Variants in VRK2 observed in about 807,000 individuals in gnomAD.
VRK2 encodes the protein serine/threonine-protein kinase VRK2.
In VRK2, 60 loss-of-function variants were observed where a neutral mutation model predicts 57.6. The observed-to-expected ratio is 1.04, with a 90% CI of 0.85 to 1.29. VRK2 has a LOEUF of 1.29. Among genes scored for constraint, VRK2 ranks in the 50% most tolerant of loss-of-function variants. The pLI is 0.00. For missense variants in VRK2, 705 were observed against 588.1 expected (o/e 1.20, Z -2.06); for synonymous variants, 231 against 199.2 (o/e 1.16, Z -1.35).
chr2:58,012,198 T>C (rs1308793879), intron 1 of VRK2, among the ~76,000 whole-genome samples: 1 of 152,220 alleles, frequency 6.6e-6, no homozygotes, highest in African/African-American at 2.4e-5. Context: ...TTGTTTAGCA[T>C]ATCATCAAGA....
At chr2:57,974,361 A>C (rs1024552849) in intron 1 of VRK2, among the ~76,000 whole-genome samples, 2 of 151,924 alleles carry the variant, frequency 1.3e-5, no homozygotes, top group African/African-American at 2.4e-5. Context: ...TGGTAATTCT[A>C]AAACAAACTA....
intron 1 of VRK2, among the ~76,000 whole-genome samples, chr2:57,919,062 T>A (rs1279134127): frequency 6.6e-6 from 1 of 152,132 alleles, no homozygotes; most frequent in East Asian, 1.9e-4. Context: ...AAAATACTTG[T>A]CCAATTTAAT....
intron 4 of VRK2, among the ~76,000 whole-genome samples, chr2:58,085,854 A>T (rs1671540993): frequency 6.6e-6 from 1 of 151,694 alleles, no homozygotes; most frequent in African/African-American, 2.4e-5. Context: ...TTTTTTGTAA[A>T]CTAATCAAAA....
intron 1 of VRK2, among the ~76,000 whole-genome samples, chr2:57,959,727 C>G (rs1272038948): frequency 6.6e-6 from 1 of 152,132 alleles, no homozygotes; most frequent in Non-Finnish European, 1.5e-5. Context: ...TCCAGAGGCT[C>G]GGCAGGTCCC....
chr2:58,105,476 C>T (rs1674595715), intron 7 of VRK2, among the ~76,000 whole-genome samples: 1 of 151,778 alleles, frequency 6.6e-6, no homozygotes, highest in Non-Finnish European at 1.5e-5. Context: ...CAGAGAAATG[C>T]AAATTAAAAC....
intron 1 of VRK2, among the ~76,000 whole-genome samples, chr2:57,942,653 A>G (rs1163866906): frequency 6.6e-6 from 1 of 152,088 alleles, no homozygotes; most frequent in African/African-American, 2.4e-5. Context: ...GGTTTTAACT[A>G]CTGTACCTTG....
At chr2:58,032,922 C>G (rs527273676) in intron 2 of VRK2, among the ~76,000 whole-genome samples, 3 of 152,092 alleles carry the variant, frequency 2.0e-5, no homozygotes, top group Non-Finnish European at 4.4e-5. Flanking sequence ...ATCTGCTTCA[C>G]GTAATTTGTT....
chr2:58,128,623 C>T (rs1041230042), intron 8 of VRK2, among the ~76,000 whole-genome samples: 6 of 152,244 alleles, frequency 3.9e-5, no homozygotes, highest in Middle Eastern at 3.4e-3. Flanking sequence ...TGAGCCACCG[C>T]GCCTGGCAAC....
At chr2:57,913,490 A>C (rs887679860) in intron 1 of VRK2, among the ~76,000 whole-genome samples, 25 of 152,248 alleles carry the variant, frequency 1.6e-4, no homozygotes, top group African/African-American at 6.0e-4. Flanking sequence ...TTTCAGGAGA[A>C]ATTTATCTGC....
chr2:58,051,849 G>A (rs900664655), intron 2 of VRK2, among the ~76,000 whole-genome samples: 1 of 152,146 alleles, frequency 6.6e-6, no homozygotes, highest in Admixed American at 6.5e-5. Flanking sequence ...AGCTAAAAGA[G>A]TGAAAAGAAA....
chr2:58,118,548 T>A (rs567079128), intron 7 of VRK2, among the ~76,000 whole-genome samples: 3 of 152,312 alleles, frequency 2.0e-5, no homozygotes, highest in African/African-American at 7.2e-5. Context: ...AAGAGGCCGC[T>A]TACCGGATTT....
In VRK2 at chr2:57,945,524, T is replaced by C. The variant is rs566260830; in HGVS notation, c.-439+37685T>C. ...CCTGTAAAGTTTGCTGAGAAATATA[T>C]TTTAAATTCTCATCATGCTATTCAC... is the stretch of plus-strand genomic sequence containing the variant. On this transcript the variant is annotated intron_variant, in intron 1 of 15. Transcript: ENST00000417641. Among the ~76,000 whole-genome samples, 20 of 152,322 alleles carry C rather than the reference T, an allele frequency of 1.3e-4. No individual in the cohort carries two copies. The South Asian group carries it at 4.1e-3, about 32-fold the overall frequency.
At chr2:57,980,297 A>C (rs1385325407) in intron 1 of VRK2, among the ~76,000 whole-genome samples, 2 of 152,140 alleles carry the variant, frequency 1.3e-5, no homozygotes, top group African/African-American at 4.8e-5. Flanking sequence ...CTTTACCCAA[A>C]ATCATTCAAG....
chr2:57,983,245 C>T (rs1369664525), intron 1 of VRK2, among the ~76,000 whole-genome samples: 2 of 152,152 alleles, frequency 1.3e-5, no homozygotes, highest in Non-Finnish European at 2.9e-5. Flanking sequence ...CTCTCTCTTT[C>T]CATCTTTAAA....
At chr2:58,074,782 T>C (rs769530657) in intron 2 of VRK2, among the ~76,000 whole-genome samples, 1 of 152,128 alleles carries the variant, frequency 6.6e-6, no homozygotes, top group Non-Finnish European at 1.5e-5. Flanking sequence ...CAAGAGCTTT[T>C]TAAAAACATT....
At chr2:58,124,195 T>G (rs1677958480) in intron 8 of VRK2, among the ~76,000 whole-genome samples, 1 of 152,186 alleles carries the variant, frequency 6.6e-6, no homozygotes, top group African/African-American at 2.4e-5. Context: ...TAATTAAACC[T>G]TAGCTGTTTA....
chr2:58,073,965 G>A (rs902134789), intron 2 of VRK2, among the ~76,000 whole-genome samples: 5 of 151,950 alleles, frequency 3.3e-5, no homozygotes, highest in African/African-American at 1.2e-4. Flanking sequence ...GCCTTTCCCA[G>A]CCCACGACTC....
At chr2:58,094,979 T>C (rs1202583356) in intron 7 of VRK2, among the ~76,000 whole-genome samples, 1 of 152,234 alleles carries the variant, frequency 6.6e-6, no homozygotes, top group Admixed American at 6.5e-5. Context: ...ATTTTCTGTA[T>C]TATTTTGTTT....
At chr2:58,072,191 A>G (rs10188070) in intron 2 of VRK2, among the ~76,000 whole-genome samples, 108,465 of 151,800 alleles carry the variant, frequency 0.71, 39,570 homozygotes, top group African/African-American at 0.87. Context: ...TGGATTTTCA[A>G]TGTATAAGAT....
Sources: gnomAD v4.1 joint callset for allele counts (sites outside exome capture counted in the v4.1 genomes callset) on GRCh38, gnomAD v4.1.1 for gene constraint, MANE v1.5 for transcripts, NCBI Gene and HGNC (gene_info 2026-07-23, HGNC 2026-07-21) for gene names.